Variants in PAN3 observed in about 807,000 individuals in gnomAD.
PAN3 encodes the protein PAN2-PAN3 deadenylation complex subunit PAN3.
In PAN3, 19 loss-of-function variants were observed where a neutral mutation model predicts 96.2. That is an observed-to-expected ratio of 0.20 (90% CI 0.14 to 0.29). The LOEUF is 0.29. Ranked by LOEUF, PAN3 falls within the 10% of genes least tolerant of loss-of-function variation. PAN3 has a pLI of 1.00. For missense variants in PAN3, 882 were observed against 1,108.1 expected (o/e 0.80, Z 2.90); for synonymous variants, 433 against 406.6 (o/e 1.06, Z -0.78).
At chr13:28,142,696 T>C (rs541078815) in intron 1 of PAN3, among the ~76,000 whole-genome samples, 2 of 152,262 alleles carry the variant, frequency 1.3e-5, no homozygotes, top group East Asian at 1.9e-4. Flanking sequence ...GTGTTTTTAA[T>C]TTCTATGTTT....
At chr13:28,219,265 C>G (rs1052469532) in intron 5 of PAN3, among the ~76,000 whole-genome samples, 24 of 152,090 alleles carry the variant, frequency 1.6e-4, no homozygotes, top group Admixed American at 1.5e-3. Flanking sequence ...TTCTGTAGTT[C>G]TAGTGTATTT....
intron 1 of PAN3, among the ~76,000 whole-genome samples, chr13:28,169,015 C>CA (rs1274385475): frequency 0.021 from 2,543 of 119,052 alleles, 35 homozygotes; most frequent in African/African-American, 0.051. Context: ...GACTCCGTCT[C>CA]AAAAAAAAAA....
chr13:28,290,230 G>A (rs1374224447), intron 18 of PAN3, among the ~76,000 whole-genome samples: 1 of 152,136 alleles, frequency 6.6e-6, no homozygotes, highest in East Asian at 1.9e-4. Context: ...AAGTACTAGA[G>A]GAAAAAATAT....
intron 6 of PAN3, among the ~76,000 whole-genome samples, chr13:28,224,806 TAG>T (rs1881820895): frequency 6.6e-6 from 1 of 152,150 alleles, no homozygotes; most frequent in Non-Finnish European, 1.5e-5. Flanking sequence ...ATTTTTTTTG[TAG>T]AGACGAGTTC....
intron 17 of PAN3, 73 bp downstream of exon 17, chr13:28,281,452 C>A: frequency 7.6e-7 from 1 of 1,311,076 alleles, no homozygotes; most frequent in Non-Finnish European, 1.1e-6. Flanking sequence ...ATAAGTATGC[C>A]TGGCTTTATT....
Position 28,293,383 on chromosome 13 carries a change from G to T in PAN3, c.*861G>T. ...TATTACTTTAGGTTCTTTCCAGTTT[G>T]CTGGTTTTTTTTTTTTTTTTTTTTT... On this transcript the variant is annotated 3_prime_UTR_variant, in exon 19 of 19. Transcript: ENST00000380958. 2.6e-5 allele frequency: 2 copies of T among 77,388 alleles called. No individual in the cohort carries two copies. The highest frequency in any genetic ancestry group is 1.2e-4 in the African/African-American group (2 of 17,108). 4.8% of individuals were successfully genotyped at this position (77,388 alleles called of 1,614,324 possible).
intron 6 of PAN3, among the ~76,000 whole-genome samples, chr13:28,224,994 G>A (rs1881849185): frequency 6.6e-6 from 1 of 151,998 alleles, no homozygotes; most frequent in Non-Finnish European, 1.5e-5. Flanking sequence ...ACCAAAATTA[G>A]CATTATTAAA....
chr13:28,291,304 A>G (rs944028785), intron 18 of PAN3, among the ~76,000 whole-genome samples: 7 of 152,244 alleles, frequency 4.6e-5, no homozygotes, highest in South Asian at 2.1e-4. Flanking sequence ...AGTGAAAACC[A>G]TAACAAGACA....
At chr13:28,245,362 TG>T (rs1884075229) in intron 6 of PAN3, among the ~76,000 whole-genome samples, 2 of 151,992 alleles carry the variant, frequency 1.3e-5, no homozygotes, top group South Asian at 2.1e-4. Context: ...TTATCTTTTT[TG>T]TTGCTGCTAG....
At chr13:28,224,704 C>G (rs1881805889) in intron 6 of PAN3, among the ~76,000 whole-genome samples, 1 of 152,148 alleles carries the variant, frequency 6.6e-6, no homozygotes, top group Admixed American at 6.5e-5. Context: ...CTGCAGCCTC[C>G]AGTTCCAGCT....
Position 28,288,752 on chromosome 13 carries a change from T to A in PAN3, c.2523+630T>A, listed in dbSNP as rs45552231. On this transcript the variant is annotated intron_variant, in intron 18 of 18. Coordinates refer to ENST00000380958, the MANE Select transcript of PAN3 (RefSeq NM_175854.8). ...AAAAAGCAAAAAAATAATTTTGTGT[T>A]TATTTTTTAAAAATTGAACCCCTTC... Among the ~76,000 whole-genome samples the A allele has an allele frequency of 7.8e-3, 1,186 of 152,320 alleles. 17 individuals carry two copies. The highest frequency in any genetic ancestry group is 0.025 in the African/African-American group (1,058 of 41,568).
chr13:28,149,166 G>A (rs1018688764), intron 1 of PAN3, among the ~76,000 whole-genome samples: 1 of 151,978 alleles, frequency 6.6e-6, no homozygotes, highest in African/African-American at 2.4e-5. Context: ...TCCAGCCTGG[G>A]CAATGTAGTG....
At chr13:28,158,802 C>A (rs578036443) in intron 1 of PAN3, among the ~76,000 whole-genome samples, 1 of 151,354 alleles carries the variant, frequency 6.6e-6, no homozygotes, top group Non-Finnish European at 1.5e-5. Flanking sequence ...GGCGTGAACC[C>A]GGGAGGCGGA....
chr13:28,172,556 C>T (rs928821334), intron 1 of PAN3, among the ~76,000 whole-genome samples: 4 of 152,288 alleles, frequency 2.6e-5, no homozygotes, highest in Non-Finnish European at 5.9e-5. Flanking sequence ...TCATCCCTGT[C>T]ACCCAGCTTC....
chr13:28,241,776 G>C, intron 6 of PAN3, among the ~76,000 whole-genome samples: 1 of 152,106 alleles, frequency 6.6e-6, no homozygotes, highest in Non-Finnish European at 1.5e-5. Context: ...TGTAGTAGTA[G>C]CGCATTTTTT....
intron 5 of PAN3, among the ~76,000 whole-genome samples, chr13:28,211,200 T>C (rs1879985850): frequency 6.6e-6 from 1 of 152,172 alleles, no homozygotes; most frequent in South Asian, 2.1e-4. Context: ...CATGCCTGGC[T>C]GGGTCTCATC....
intron 5 of PAN3, among the ~76,000 whole-genome samples, chr13:28,199,558 A>G (rs577819406): frequency 6.6e-6 from 1 of 152,264 alleles, no homozygotes; most frequent in African/African-American, 2.4e-5. Context: ...TCACTTTACC[A>G]GGCACATGTT....
At chr13:28,203,368 G>A (rs1263059626) in intron 5 of PAN3, among the ~76,000 whole-genome samples, 4 of 152,000 alleles carry the variant, frequency 2.6e-5, no homozygotes, top group African/African-American at 2.4e-5. Context: ...CAGTGGTATC[G>A]TCATGGCCCA....
At chr13:28,220,514 TG>T in intron 6 of PAN3, 136 bp downstream of exon 6, 1 of 1,099,998 alleles carries the variant, frequency 9.1e-7, no homozygotes, top group Admixed American at 3.1e-5. Flanking sequence ...TTCTAGTTTT[TG>T]GTACCATAGG....
Sources: allele counts gnomAD v4.1 joint callset (sites outside exome capture counted in the v4.1 genomes callset), GRCh38; gene constraint gnomAD v4.1.1; transcripts MANE v1.5; gene names NCBI Gene and HGNC (gene_info 2026-07-23, HGNC 2026-07-21).